B3GALNT2: variants seen among roughly 807,000 people sequenced by gnomAD.
B3GALNT2 encodes UDP-GalNAc:beta-1,3-N-acetylgalactosaminyltransferase 2.
A neutral mutation model predicts 61.1 loss-of-function variants in B3GALNT2; 53 were observed. That is an observed-to-expected ratio of 0.87 (90% CI 0.70 to 1.09). The LOEUF (loss-of-function observed/expected upper bound fraction) is 1.09, where lower values mean the gene tolerates loss of function less well. Ranked by LOEUF, B3GALNT2 falls within the 50% of genes least tolerant of loss-of-function variation. The pLI, the probability that B3GALNT2 is intolerant of heterozygous loss-of-function variation, is 0.00. For synonymous variants in B3GALNT2, 223 were observed against 237.4 expected (o/e 0.94, Z 0.56); for missense variants, 544 against 623.0 (o/e 0.87, Z 1.35).
At chr1:235,440,056 C>T in the B3GALNT2 span, among the ~76,000 whole-genome samples, 28 of 151,754 alleles carry the variant, frequency 1.8e-4, no homozygotes, top group East Asian at 2.6e-3. Flanking sequence ...CTGCAAGCTC[C>T]GCCTCCCGGG....
rs1684707380 is a variant in B3GALNT2, at chr1:235,484,470, G to A, written c.407C>T (p.Ser136Leu). ...AACTCGATCCTCAGGCAGCCCCGAT[G>A]AAGTGTCTTCGGACAGACTGAACGC... ...IEAFSLSEDT[S>L]SGLPEDRVVS... The change falls in exon 4 of 12, where the codon TCA becomes TTA. Residue 136 changes from serine (S) to leucine (L), a missense_variant. Ser to Leu is a moderately radical substitution (Grantham distance 145). Transcript: ENST00000366600. 1 of 1,614,094 alleles carries A rather than the reference G, an allele frequency of 6.2e-7. No individual in the cohort carries two copies. Among genetic ancestry groups the A allele is most frequent in the African/African-American group, 1.3e-5 (1 of 74,940 alleles).
chr1:235,448,888 C>T lies in B3GALNT2; in HGVS notation c.*1318G>A. The T allele has an allele frequency of 1.3e-6, 1 of 751,546 alleles. No individual in the cohort carries two copies. The highest frequency in any genetic ancestry group is 2.3e-6 in the Non-Finnish European group (1 of 433,178). 46.6% of individuals were successfully genotyped at this position (751,546 alleles called of 1,614,324 possible). A position where few individuals can be genotyped will look rare whatever the true frequency, so the allele number is the denominator to read the frequency against. The stretch of plus-strand genomic sequence containing the variant: ...GGTTTACAACTTGTCCTAAGTATAA[C>T]AAGGGATGTATTTTTTGTTGGGAAG... On this transcript the variant is annotated 3_prime_UTR_variant, in exon 12 of 12. Coordinates refer to ENST00000366600, the MANE Select transcript of B3GALNT2 (RefSeq NM_152490.5).
intron 5 of B3GALNT2, among the ~76,000 whole-genome samples, chr1:235,471,223 C>G (rs1349105700): frequency 2.0e-5 from 3 of 152,128 alleles, no homozygotes; most frequent in African/African-American, 7.2e-5. Context: ...GTATCAAAAG[C>G]ATTTCCTTAT....
intron 8 of B3GALNT2, 124 bp from the exon 9 acceptor site, chr1:235,455,808 T>G: frequency 8.1e-6 from 10 of 1,231,520 alleles, no homozygotes; most frequent in Non-Finnish European, 1.1e-5. Flanking sequence ...ATTCCTCAAA[T>G]GTTGAGAACA....
At chr1:235,474,981 ATATATATTTTTT>A (rs1684194842) in intron 5 of B3GALNT2, among the ~76,000 whole-genome samples, 1 of 37,472 alleles carries the variant, frequency 2.7e-5, no homozygotes, top group African/African-American at 1.5e-4. Flanking sequence ...ATATATATAT[ATATATATTTTTT>A]TTTTTTTTTT....
At chr1:235,494,653 A>G (rs778330634) in intron 2 of B3GALNT2, 28 bp downstream of exon 2, 1 of 1,598,630 alleles carries the variant, frequency 6.3e-7, no homozygotes, top group Non-Finnish European at 8.6e-7. Flanking sequence ...TCAATAAACC[A>G]GGCAAGGCAA....
chr1:235,484,480 C>T lies in B3GALNT2; in HGVS notation c.397G>A (p.Glu133Lys), dbSNP rs146090744. The stretch of plus-strand genomic sequence containing the variant: ...TCAGGCAGCCCCGATGAAGTGTCTT[C>T]GGACAGACTGAACGCTTCAATTTCC... Reference protein sequence around the residue: ...NQEIEAFSLSEDTSSGLPEDR... With the variant: ...NQEIEAFSLSKDTSSGLPEDR... The change falls in exon 4 of 12, where the codon GAA becomes AAA. Residue 133 changes from glutamate to lysine, a missense_variant. Transcript: ENST00000366600. The T allele has an allele frequency of 3.8e-4, 610 of 1,614,120 alleles. 12 individuals carry two copies. The South Asian group carries it at 5.7e-3, about 15-fold the overall frequency.
In B3GALNT2 at chr1:235,471,052, T is replaced by C. The variant is rs899388565; in HGVS notation, c.652-92A>G. The C allele has an allele frequency of 1.5e-5, 24 of 1,552,192 alleles. No homozygotes were observed. The Middle Eastern group carries it at 1.0e-3, about 66-fold the overall frequency. The stretch of plus-strand genomic sequence containing the variant: ...TCAGGCAAGATTTTTAGAGAAAATT[T>C]TTCCCAAAACGTATCATTTAAAATT... On this transcript the variant is annotated intron_variant, in intron 5 of 11. Transcript: ENST00000366600.
chr1:235,489,997 C>T (rs1217832132), intron 2 of B3GALNT2, among the ~76,000 whole-genome samples: 1 of 152,170 alleles, frequency 6.6e-6, no homozygotes, highest in Non-Finnish European at 1.5e-5. Context: ...TTCTCTACGG[C>T]TTAATACTGC....
chr1:235,457,259 AAC>A (rs1683210697), intron 8 of B3GALNT2, among the ~76,000 whole-genome samples: 1 of 152,224 alleles, frequency 6.6e-6, no homozygotes, highest in Non-Finnish European at 1.5e-5. Context: ...TGCCTAGGGC[AAC>A]AGAGAAGAAA....
chr1:235,460,753 T>C (rs1257044026), intron 7 of B3GALNT2, among the ~76,000 whole-genome samples: 2 of 151,834 alleles, frequency 1.3e-5, no homozygotes, highest in African/African-American at 4.8e-5. Flanking sequence ...TTCAAGTTTT[T>C]TGTAGAGATG....
At chr1:235,469,841 C>A (rs997903803) in intron 6 of B3GALNT2, among the ~76,000 whole-genome samples, 3 of 151,890 alleles carry the variant, frequency 2.0e-5, no homozygotes, top group African/African-American at 7.3e-5. Flanking sequence ...GGATTACAGG[C>A]ATAAGCCAGC....
chr1:235,448,594 G>C lies in B3GALNT2; in HGVS notation c.*1612C>G. 7.1e-7 allele frequency: 1 copy of C among 1,401,528 alleles called. No individual in the cohort carries two copies. The highest frequency in any genetic ancestry group is 1.0e-6 in the Non-Finnish European group (1 of 986,938). 86.8% of individuals were successfully genotyped at this position (1,401,528 alleles called of 1,614,324 possible). A position where few individuals can be genotyped will look rare whatever the true frequency, so the allele number is the denominator to read the frequency against. ...GTAAGCTACTGCCTGGGGACGGGGT[G>C]GGGGAAGAGTATGTGTAGCATGCTT... On this transcript the variant is annotated 3_prime_UTR_variant, in exon 12 of 12. Transcript: ENST00000366600.
At chr1:235,443,347 C>T (rs896312826), downstream of B3GALNT2, among the ~76,000 whole-genome samples, 1 of 151,904 alleles carries the variant, frequency 6.6e-6, no homozygotes, top group Admixed American at 6.6e-5. Context: ...ACTACACGTG[C>T]GAGCCACCAA....
chr1:235,474,988 T>TATATATATATATATATA (rs1491560842), intron 5 of B3GALNT2, among the ~76,000 whole-genome samples: 8 of 19,132 alleles, frequency 4.2e-4, no homozygotes, highest in African/African-American at 1.4e-3. Context: ...TATATATATA[T>TATATATATATATATATA]TTTTTTTTTT....
chr1:235,453,508 T>A (rs1683025315), intron 10 of B3GALNT2, among the ~76,000 whole-genome samples: 2 of 152,034 alleles, frequency 1.3e-5, no homozygotes, highest in South Asian at 4.1e-4. Context: ...CAGGCTGGCA[T>A]GCAGTGGCGC....
chr1:235,450,403 T>A, intron 11 of B3GALNT2, 63 bp from the exon 12 acceptor site: 1 of 1,553,886 alleles, frequency 6.4e-7, no homozygotes, highest in Non-Finnish European at 8.9e-7. Flanking sequence ...CATCAGAAAG[T>A]ATGCACGTAG....
chr1:235,466,482 AG>A (rs1461044875), intron 6 of B3GALNT2, among the ~76,000 whole-genome samples: 1 of 152,178 alleles, frequency 6.6e-6, no homozygotes, highest in Non-Finnish European at 1.5e-5. Context: ...CCTTACAAGC[AG>A]CTAGCACTAC....
At chr1:235,466,509 T>A (rs1211454927) in intron 6 of B3GALNT2, among the ~76,000 whole-genome samples, 1 of 152,196 alleles carries the variant, frequency 6.6e-6, no homozygotes, top group Non-Finnish European at 1.5e-5. Context: ...TGCACCACCA[T>A]GCCCAGCTAA....
Sources: allele counts gnomAD v4.1 joint callset (sites outside exome capture counted in the v4.1 genomes callset), GRCh38; gene constraint gnomAD v4.1.1; transcripts MANE v1.5; gene names NCBI Gene and HGNC (gene_info 2026-07-23, HGNC 2026-07-21).